DMD: variants seen among roughly 807,000 people sequenced by gnomAD.
The protein encoded by DMD is mutant dystrophin.
Under a neutral mutation model 330.1 loss-of-function variants are expected in DMD, and 63 were observed. The ratio of observed to expected loss-of-function variants is 0.19; its 90% CI spans 0.16 to 0.24. The LOEUF (loss-of-function observed/expected upper bound fraction) is 0.24. DMD is among the 10% of genes least tolerant of loss of function. DMD has a pLI of 1.00. For synonymous variants in DMD, 1,223 were observed against 959.8 expected, an observed-to-expected ratio of 1.27 and a Z score of -5.07; for missense variants, 3,344 against 2,684.1, an observed-to-expected ratio of 1.25 and a Z score of -5.43.
At chrX:31,282,560 A>AATCCAT (rs1390198170) in intron 62 of DMD, among the ~76,000 whole-genome samples, 1 of 111,946 alleles carries the variant, frequency 8.9e-6, no homozygotes, top group Non-Finnish European at 1.9e-5. Flanking sequence ...AAAAAAAAAA[A>AATCCAT]ATCCATTATT....
At chrX:31,556,419 G>C (rs1285631588) in intron 55 of DMD, among the ~76,000 whole-genome samples, 1 of 104,642 alleles carries the variant, frequency 9.6e-6, no homozygotes, top group Non-Finnish European at 2.0e-5. Context: ...TTTCAAGGGG[G>C]AAAAACACCT....
chrX:31,690,399 CA>C (rs1186529812), intron 52 of DMD, among the ~76,000 whole-genome samples: 1 of 112,014 alleles, frequency 8.9e-6, no homozygotes, highest in Non-Finnish European at 1.9e-5. Flanking sequence ...CAGAGAAACG[CA>C]AATCAAAACC....
rs1379242374 is a variant in DMD at position 32,229,714 on chromosome X, A to G, written c.6291-12651T>C. ...TATATATATATATATATATATATAT[A>G]TATATATATATAAAATCAAAGAGTT... On this transcript the variant is annotated intron_variant, in intron 43 of 78. Transcript: ENST00000357033. Among the ~76,000 whole-genome samples the G allele has an allele frequency of 1.8e-3, 146 of 82,785 alleles. 1 individual carries two copies. Among genetic ancestry groups the G allele is most frequent in the African/African-American group, 6.4e-3 (141 of 22,101 alleles). 71.9% of individuals were successfully genotyped at this position (82,785 alleles called of 115,157 possible).
At chrX:32,801,479 G>C (rs893124053) in intron 7 of DMD, among the ~76,000 whole-genome samples, 1 of 111,801 alleles carries the variant, frequency 8.9e-6, no homozygotes, top group Non-Finnish European at 1.9e-5. Flanking sequence ...TCACTCTGAT[G>C]ATAGTTTTCT....
chrX:31,496,729 A>G, intron 57 of DMD, 59 bp downstream of exon 57: 1 of 1,157,153 alleles, frequency 8.6e-7, no homozygotes, highest in Non-Finnish European at 1.2e-6. Flanking sequence ...ATTTTAAAAT[A>G]GTCACTGGAT....
chrX:33,253,256 A>G (rs1205792981), intron 1 of DMD, among the ~76,000 whole-genome samples: 1 of 108,173 alleles, frequency 9.2e-6, no homozygotes, highest in African/African-American at 3.6e-5. Flanking sequence ...TATGTCAGGT[A>G]CATACTGCAA....
At chrX:32,819,345 A>C (rs1401922837) in intron 5 of DMD, among the ~76,000 whole-genome samples, 1 of 110,745 alleles carries the variant, frequency 9.0e-6, no homozygotes, top group Non-Finnish European at 1.9e-5. Flanking sequence ...CATTAAGTAC[A>C]TCCCTTGAAT....
intron 1 of DMD, among the ~76,000 whole-genome samples, chrX:33,307,722 G>C (rs748772343): frequency 1.8e-5 from 2 of 110,992 alleles, no homozygotes; most frequent in Non-Finnish European, 3.8e-5. Flanking sequence ...ATAAAGATCA[G>C]AAAGGCCCAT....
At chrX:32,973,923 G>A (rs771494127) in intron 2 of DMD, among the ~76,000 whole-genome samples, 50 of 110,674 alleles carry the variant, frequency 4.5e-4, no homozygotes, top group Non-Finnish European at 5.5e-4. Flanking sequence ...AAAAAGGCAC[G>A]TCCACTAAAA....
chrX:32,658,279 C>G (rs2060716596), intron 9 of DMD, among the ~76,000 whole-genome samples: 2 of 111,337 alleles, frequency 1.8e-5, no homozygotes, highest in African/African-American at 3.3e-5. Flanking sequence ...AGAAACTTAT[C>G]TACACTTACA....
chrX:32,508,681 G>A (rs763579222), intron 18 of DMD, among the ~76,000 whole-genome samples: 1 of 112,065 alleles, frequency 8.9e-6, no homozygotes, highest in African/African-American at 3.2e-5. Flanking sequence ...ATAGTAAAAT[G>A]GGGAGCTAGG....
chrX:32,735,146 G>A (rs980595991), intron 7 of DMD, among the ~76,000 whole-genome samples: 1 of 108,090 alleles, frequency 9.3e-6, no homozygotes, highest in Non-Finnish European at 1.9e-5. Flanking sequence ...GCCAAATCAT[G>A]AGTGAACTCC....
chrX:32,454,708 T>A lies in DMD; in HGVS notation c.3557A>T (p.Glu1186Val), dbSNP rs942471417. 1.7e-6 allele frequency: 2 copies of A among 1,202,693 alleles called. No homozygotes were observed. Among genetic ancestry groups the A allele is most frequent in the Non-Finnish European group, 1.1e-6 (1 of 891,498 alleles). ...CTGTAATTCATCTGGAGTTTTATAT[T>A]CAAAATCTCTCTCAAGATACTCTTC... is the stretch of plus-strand genomic sequence containing the variant. ...AEEEYLERDF[E>V]YKTPDELQKA... The change falls in exon 26 of 79, where the codon GAA becomes GTA. Residue 1186 changes from glutamate to valine, a missense_variant. Physicochemically the swap from Glu to Val is moderately radical, Grantham distance 121 (BLOSUM62 -2). Transcript: ENST00000357033.
At chrX:32,308,951 G>T (rs777507153) in intron 42 of DMD, among the ~76,000 whole-genome samples, 1 of 111,115 alleles carries the variant, frequency 9.0e-6, no homozygotes, top group Non-Finnish European at 1.9e-5. Context: ...TGGCATGTCA[G>T]CTTTATTTTA....
chrX:32,444,063 C>G (rs1277987488), intron 27 of DMD, among the ~76,000 whole-genome samples: 2 of 110,438 alleles, frequency 1.8e-5, no homozygotes, highest in South Asian at 3.7e-4. Context: ...CGTATCAGAA[C>G]AGGGTATACG....
intron 1 of DMD, among the ~76,000 whole-genome samples, chrX:33,333,868 C>T (rs985420062): frequency 2.7e-5 from 3 of 111,188 alleles, no homozygotes; most frequent in Non-Finnish European, 3.8e-5. Context: ...CCTTCTAGAA[C>T]ATATTTGATC....
intron 47 of DMD, among the ~76,000 whole-genome samples, chrX:31,877,794 T>C (rs537962425): frequency 9.0e-5 from 10 of 111,635 alleles, no homozygotes; most frequent in African/African-American, 3.3e-4. Context: ...AACTTATTTT[T>C]CAAGCATTTT....
intron 45 of DMD, among the ~76,000 whole-genome samples, chrX:31,947,606 GA>G (rs2095105208): frequency 8.9e-6 from 1 of 111,835 alleles, no homozygotes; most frequent in South Asian, 3.7e-4. Flanking sequence ...GTTATATCTG[GA>G]TATACTCACT....
chrX:31,293,216 T>TGTGTGTGTGTGTGTGTGGTCTGGTTTA (rs2053884877), intron 62 of DMD, among the ~76,000 whole-genome samples: 1 of 94,345 alleles, frequency 1.1e-5, no homozygotes, highest in Non-Finnish European at 2.0e-5. Context: ...TGTGTGTGTG[T>TGTGTGTGTGTGTGTGTGGTCTGGTTTA]GTGTGTGTGT....
Sources: gnomAD v4.1 joint callset for allele counts (sites outside exome capture counted in the v4.1 genomes callset) on GRCh38, gnomAD v4.1.1 for gene constraint, MANE v1.5 for transcripts, NCBI Gene and HGNC (gene_info 2026-07-23, HGNC 2026-07-21) for gene names.